ENTREP1: variants seen among roughly 807,000 people sequenced by gnomAD.
The protein encoded by ENTREP1 is Friedreich ataxia region gene X123.
At chr9:69,378,859 C>A in the ENTREP1 span, among the ~76,000 whole-genome samples, 1 of 152,150 alleles carries the variant, frequency 6.6e-6, no homozygotes, top group East Asian at 1.9e-4. Context: ...CCTGCTTCCT[C>A]CTCTACCATT....
the ENTREP1 span, among the ~76,000 whole-genome samples, chr9:69,346,016 C>G: frequency 6.6e-6 from 1 of 151,630 alleles, no homozygotes. Context: ...GAGTCTTGCT[C>G]TGTTGCCCAG....
the ENTREP1 span, among the ~76,000 whole-genome samples, chr9:69,356,065 A>G: frequency 6.6e-6 from 1 of 152,194 alleles, no homozygotes; most frequent in African/African-American, 2.4e-5. Flanking sequence ...GTGCTGCACC[A>G]CTGTCCATCT....
chr9:69,368,345 C>G, the ENTREP1 span, among the ~76,000 whole-genome samples: 1 of 151,908 alleles, frequency 6.6e-6, no homozygotes, highest in South Asian at 2.1e-4. Flanking sequence ...CATTTATGGT[C>G]CTTATTATGT....
At chr9:69,364,185 C>T in the ENTREP1 span, among the ~76,000 whole-genome samples, 1 of 152,046 alleles carries the variant, frequency 6.6e-6, no homozygotes, top group African/African-American at 2.4e-5. Flanking sequence ...ATATAAAGGA[C>T]TTCCATATAA....
the ENTREP1 span, among the ~76,000 whole-genome samples, chr9:69,339,144 T>C: frequency 1.8e-3 from 270 of 152,122 alleles, 9 homozygotes; most frequent in East Asian, 0.045. Context: ...CTTAGTCTCC[T>C]GAGTAGCTGG....
the ENTREP1 span, among the ~76,000 whole-genome samples, chr9:69,376,515 G>A: frequency 6.6e-6 from 1 of 152,358 alleles, no homozygotes; most frequent in East Asian, 1.9e-4. Context: ...TTAGCTCAGT[G>A]AGTGACAAAA....
the ENTREP1 span, among the ~76,000 whole-genome samples, chr9:69,378,012 G>GTC: frequency 0.34 from 51,688 of 151,314 alleles, 10,250 homozygotes; most frequent in South Asian, 0.44. Context: ...TATTCTCTCT[G>GTC]TCTCTCTCTC....
the ENTREP1 span, among the ~76,000 whole-genome samples, chr9:69,340,735 ATGTG>A: frequency 6.5e-5 from 7 of 107,212 alleles, no homozygotes; most frequent in East Asian, 3.0e-4. Flanking sequence ...GTGTGTGTGT[ATGTG>A]TGTGTGTTTG....
chr9:69,390,022 A>T, the ENTREP1 span, among the ~76,000 whole-genome samples: 1 of 152,216 alleles, frequency 6.6e-6, no homozygotes, highest in East Asian at 1.9e-4. Flanking sequence ...GAAGGAGACC[A>T]GTTATTTCTG....
the ENTREP1 span, among the ~76,000 whole-genome samples, chr9:69,332,857 T>C: frequency 6.6e-6 from 1 of 152,224 alleles, no homozygotes; most frequent in African/African-American, 2.4e-5. Flanking sequence ...TGTTCATAGA[T>C]GTTTACTGCA....
At chr9:69,330,939 G>T in the ENTREP1 span, among the ~76,000 whole-genome samples, 3 of 152,106 alleles carry the variant, frequency 2.0e-5, no homozygotes, top group Admixed American at 6.5e-5. Context: ...AAATACCGAG[G>T]TAATAGTTAA....
chr9:69,339,475 T>C, the ENTREP1 span, among the ~76,000 whole-genome samples: 2 of 152,182 alleles, frequency 1.3e-5, no homozygotes, highest in African/African-American at 4.8e-5. Context: ...CTAGTTTTCT[T>C]TTTGGCACAG....
chr9:69,367,732 T>TATATATACACATATATATAAAA, the ENTREP1 span, among the ~76,000 whole-genome samples: 4 of 104,976 alleles, frequency 3.8e-5, no homozygotes, highest in African/African-American at 1.4e-4. Context: ...TATATAAAAA[T>TATATATACACATATATATAAAA]ATATATATAC....
the ENTREP1 span, among the ~76,000 whole-genome samples, chr9:69,379,107 T>G: frequency 6.6e-6 from 1 of 152,200 alleles, no homozygotes; most frequent in African/African-American, 2.4e-5. Flanking sequence ...TAGCTTCATA[T>G]TCAGAGGGCC....
the ENTREP1 span, among the ~76,000 whole-genome samples, chr9:69,355,505 T>C: frequency 6.6e-6 from 1 of 152,212 alleles, no homozygotes; most frequent in Non-Finnish European, 1.5e-5. Flanking sequence ...AAGAGTCATA[T>C]AGTCTGGCTT....
the ENTREP1 span, among the ~76,000 whole-genome samples, chr9:69,362,618 G>A: frequency 8.0e-3 from 1,215 of 152,304 alleles, 8 homozygotes; most frequent in Middle Eastern, 0.041. Flanking sequence ...TTAATACTGA[G>A]TGTCAACTTG....
At chr9:69,324,774 GC>G in the ENTREP1 span, 1 of 985,446 alleles carries the variant, frequency 1.0e-6, no homozygotes, top group African/African-American at 1.7e-5. Flanking sequence ...TTAAGGGCGG[GC>G]CCCCTTCTCA....
chr9:69,388,039 G>T, the ENTREP1 span: 8 of 1,585,982 alleles, frequency 5.0e-6, no homozygotes, highest in South Asian at 2.3e-5. Context: ...GGATGTGCAT[G>T]GCTATCAGCA....
At chr9:69,347,239 T>C in the ENTREP1 span, among the ~76,000 whole-genome samples, 2 of 152,310 alleles carry the variant, frequency 1.3e-5, no homozygotes, top group South Asian at 4.1e-4. Flanking sequence ...GACTCCTGGA[T>C]GCTCAGGCTA....
Sources: gnomAD v4.1 joint callset for allele counts (sites outside exome capture counted in the v4.1 genomes callset) on GRCh38, gnomAD v4.1.1 for gene constraint, MANE v1.5 for transcripts, NCBI Gene and HGNC (gene_info 2026-07-23, HGNC 2026-07-21) for gene names.